The following NFIB variants were observed in gnomAD, a reference collection of about 807,000 sequenced individuals.
NFIB encodes the protein nuclear factor I B.
Under a neutral mutation model 61.5 loss-of-function variants are expected in NFIB, and 11 were observed. The ratio of observed to expected loss-of-function variants is 0.18; its 90% CI spans 0.11 to 0.30. The LOEUF is 0.30. Ranked by LOEUF, NFIB falls within the 10% of genes least tolerant of loss-of-function variation. The pLI, the probability that NFIB is intolerant of heterozygous loss-of-function variation, is 1.00. For synonymous variants in NFIB, 260 were observed against 216.5 expected (o/e 1.20, Z -1.76); for missense variants, 471 against 608.9 (o/e 0.77, Z 2.38).
intron 2 of NFIB, among the ~76,000 whole-genome samples, chr9:14,299,337 A>C (rs2059624105): frequency 3.3e-5 from 5 of 152,314 alleles, no homozygotes; most frequent in Admixed American, 3.3e-4. Context: ...TGTGTCGCTT[A>C]ATATTAATGG....
intron 10 of NFIB, among the ~76,000 whole-genome samples, chr9:14,098,536 G>T (rs2035237957): frequency 6.6e-6 from 1 of 152,178 alleles, no homozygotes; most frequent in Admixed American, 6.5e-5. Context: ...GCCAGTCAGG[G>T]AGTAACTGCT....
intron 1 of NFIB, among the ~76,000 whole-genome samples, chr9:14,327,103 A>AT (rs5896626): frequency 4.0e-5 from 6 of 151,440 alleles, no homozygotes; most frequent in African/African-American, 9.7e-5. Flanking sequence ...TTACTAAGGT[A>AT]TTTTTTTTTT....
chr9:14,379,558 C>T (rs987449792), intron 1 of NFIB, among the ~76,000 whole-genome samples: 3 of 152,080 alleles, frequency 2.0e-5, no homozygotes, highest in Non-Finnish European at 4.4e-5. Flanking sequence ...TCTCAAAGTC[C>T]TTATGTCACT....
chr9:14,245,186 T>C (rs56383801), intron 2 of NFIB, among the ~76,000 whole-genome samples: 5 of 152,266 alleles, frequency 3.3e-5, no homozygotes, highest in Non-Finnish European at 7.4e-5. Context: ...ACCTCCAAAC[T>C]CAGTGGTTCT....
chr9:14,103,198 C>T (rs972968493), intron 10 of NFIB, among the ~76,000 whole-genome samples: 7 of 152,100 alleles, frequency 4.6e-5, no homozygotes, highest in Admixed American at 6.5e-5. Flanking sequence ...CCCAGATCTC[C>T]GAATCATCAG....
At chr9:14,420,369 C>G in the NFIB span, among the ~76,000 whole-genome samples, 1 of 135,990 alleles carries the variant, frequency 7.4e-6, no homozygotes, top group Admixed American at 9.2e-5. Flanking sequence ...TCACTTGAAC[C>G]CGGGAGGTGG....
At chr9:14,355,586 G>A (rs2132929239) in intron 1 of NFIB, among the ~76,000 whole-genome samples, 1 of 152,234 alleles carries the variant, frequency 6.6e-6, no homozygotes, top group Middle Eastern at 3.4e-3. Context: ...TTGGCAGCAG[G>A]GCTGGCTTCC....
intron 10 of NFIB, among the ~76,000 whole-genome samples, chr9:14,097,792 GGTGA>G (rs1005310463): frequency 3.0e-4 from 45 of 151,578 alleles, no homozygotes; most frequent in African/African-American, 1.0e-3. Flanking sequence ...AAATGGCTGA[GGTGA>G]GTGTTATGCA....
At chr9:14,504,423 C>T in the NFIB span, among the ~76,000 whole-genome samples, 8 of 152,134 alleles carry the variant, frequency 5.3e-5, no homozygotes, top group East Asian at 3.9e-4. Context: ...TTTGGCAGTA[C>T]GGTCATTTTC....
intron 2 of NFIB, among the ~76,000 whole-genome samples, chr9:14,185,521 C>A (rs146178274): frequency 6.6e-6 from 1 of 152,236 alleles, no homozygotes; most frequent in Non-Finnish European, 1.5e-5. Flanking sequence ...TCCCTGAAGT[C>A]CCCCAGGGTG....
At chr9:14,485,401 C>G in the NFIB span, among the ~76,000 whole-genome samples, 1 of 152,162 alleles carries the variant, frequency 6.6e-6, no homozygotes, top group Admixed American at 6.5e-5. Flanking sequence ...TTATTTTTGT[C>G]ATGAGATGAA....
intron 2 of NFIB, among the ~76,000 whole-genome samples, chr9:14,242,382 G>A (rs1012027180): frequency 6.6e-6 from 1 of 152,150 alleles, no homozygotes; most frequent in Non-Finnish European, 1.5e-5. Flanking sequence ...AAAAGTTATT[G>A]CAAGAAGTCC....
chr9:14,456,872 T>C, the NFIB span, among the ~76,000 whole-genome samples: 1 of 152,298 alleles, frequency 6.6e-6, no homozygotes, highest in African/African-American at 2.4e-5. Flanking sequence ...ATGTGTGAAA[T>C]GGCAATGGCA....
At position 14,084,631 on chromosome 9, in the gene NFIB, G is replaced by A. The variant is rs1459206788; in HGVS notation, c.*3678C>T. ...CACACAAAGGCTGAACAGTGCCACG[G>A]AACTGATGGTTGGAGACACCACTCC... On this transcript the variant is annotated 3_prime_UTR_variant, in exon 11 of 11. Coordinates refer to ENST00000380953, the MANE Select transcript of NFIB (RefSeq NM_001190737.2). 2 of 229,458 alleles carry A rather than the reference G, an allele frequency of 8.7e-6. No individual in the cohort carries two copies. The highest frequency in any genetic ancestry group is 4.4e-5 in the African/African-American group (2 of 45,178). 14.2% of individuals were successfully genotyped at this position (229,458 alleles called of 1,614,324 possible).
At chr9:14,182,047 C>T (rs555782383) in intron 2 of NFIB, among the ~76,000 whole-genome samples, 2 of 152,292 alleles carry the variant, frequency 1.3e-5, no homozygotes, top group East Asian at 1.9e-4. Context: ...AGAAACTATC[C>T]AGCTAGAACA....
chr9:14,193,225 T>C (rs941169781), intron 2 of NFIB, among the ~76,000 whole-genome samples: 9 of 151,924 alleles, frequency 5.9e-5, no homozygotes, highest in African/African-American at 2.2e-4. Context: ...AGTTTACTTC[T>C]TCTTTTTATC....
chr9:14,105,552 G>A (rs1300803844), intron 10 of NFIB, among the ~76,000 whole-genome samples: 1 of 151,928 alleles, frequency 6.6e-6, no homozygotes, highest in Non-Finnish European at 1.5e-5. Context: ...AACCTTCTTG[G>A]TCATAAAGCA....
rs530848447 is a variant in NFIB at position 14,211,370 on chromosome 9, C to G, written c.563-31590G>C. Reference sequence around the variant, plus strand: ...TTTATCCTAGATCGATAGTAAGAAACAGCAAGGAAATGCACAGAAACAGGA... The same window carrying G: ...TTTATCCTAGATCGATAGTAAGAAAGAGCAAGGAAATGCACAGAAACAGGA... On this transcript the variant is annotated intron_variant, in intron 2 of 10. Coordinates refer to ENST00000380953, the MANE Select transcript of NFIB (RefSeq NM_001190737.2). Among the ~76,000 whole-genome samples, 4 of 152,164 alleles carry G rather than the reference C, an allele frequency of 2.6e-5. No homozygotes were observed. The South Asian group carries it at 8.3e-4, about 32-fold the overall frequency.
upstream of NFIB, among the ~76,000 whole-genome samples, chr9:14,400,268 C>T (rs575918251): frequency 3.3e-5 from 5 of 152,212 alleles, no homozygotes; most frequent in African/African-American, 1.2e-4. Flanking sequence ...CACAGGGATC[C>T]TACTACTTCT....
Sources: gnomAD v4.1 joint callset for allele counts (sites outside exome capture counted in the v4.1 genomes callset) on GRCh38, gnomAD v4.1.1 for gene constraint, MANE v1.5 for transcripts, NCBI Gene and HGNC (gene_info 2026-07-23, HGNC 2026-07-21) for gene names.